SNAP25: variants seen among roughly 807,000 people sequenced by gnomAD.
SNAP25 encodes synaptosome associated protein 25.
A neutral mutation model predicts 28.7 loss-of-function variants in SNAP25; 3 were observed. That is an observed-to-expected ratio of 0.10 (90% CI 0.05 to 0.27). The LOEUF (loss-of-function observed/expected upper bound fraction) is 0.27, where lower values mean the gene tolerates loss of function less well. Among genes scored for constraint, SNAP25 ranks in the 10% least tolerant of loss-of-function variants. SNAP25 has a pLI of 1.00. For synonymous variants in SNAP25, 61 were observed against 88.1 expected, an observed-to-expected ratio of 0.69 and a Z score of 1.72; for missense variants, 117 against 278.7, an observed-to-expected ratio of 0.42 and a Z score of 4.13.
At chr20:10,300,422 T>C (rs547767520) in intron 7 of SNAP25, among the ~76,000 whole-genome samples, 8 of 152,314 alleles carry the variant, frequency 5.3e-5, no homozygotes, top group South Asian at 2.1e-4. Flanking sequence ...TTAACGATAA[T>C]TGTACATCTA....
intron 1 of SNAP25, among the ~76,000 whole-genome samples, chr20:10,255,574 A>G (rs570048192): frequency 1.3e-5 from 2 of 152,202 alleles, no homozygotes; most frequent in South Asian, 2.1e-4. Context: ...TTTGGGCCCA[A>G]GAAAGCTAAT....
At chr20:10,256,507 T>C (rs2063321351) in intron 1 of SNAP25, among the ~76,000 whole-genome samples, 1 of 151,984 alleles carries the variant, frequency 6.6e-6, no homozygotes, top group Non-Finnish European at 1.5e-5. Flanking sequence ...TTTTGGAATA[T>C]GCAAACATTT....
intron 1 of SNAP25, among the ~76,000 whole-genome samples, chr20:10,259,123 A>G (rs1182123504): frequency 1.3e-5 from 2 of 152,234 alleles, no homozygotes; most frequent in Non-Finnish European, 2.9e-5. Context: ...ATACAAAGAT[A>G]TATGTATGGC....
intron 1 of SNAP25, among the ~76,000 whole-genome samples, chr20:10,239,940 C>T (rs1375708466): frequency 6.6e-6 from 1 of 152,192 alleles, no homozygotes; most frequent in Non-Finnish European, 1.5e-5. Context: ...TGCTCTGTAA[C>T]AATATTACTG....
intron 3 of SNAP25, among the ~76,000 whole-genome samples, chr20:10,280,259 A>G (rs1156628755): frequency 6.6e-6 from 1 of 152,196 alleles, no homozygotes; most frequent in African/African-American, 2.4e-5. Context: ...GCTTTTTAAT[A>G]GTCATCATTA....
At chr20:10,221,204 G>A (rs1422425257) in intron 1 of SNAP25, among the ~76,000 whole-genome samples, 1 of 152,168 alleles carries the variant, frequency 6.6e-6, no homozygotes, top group Non-Finnish European at 1.5e-5. Flanking sequence ...TTACGTGCTT[G>A]GACATTAGTA....
chr20:10,276,988 T>C (rs1600736484), intron 2 of SNAP25, among the ~76,000 whole-genome samples: 1 of 152,220 alleles, frequency 6.6e-6, no homozygotes, highest in African/African-American at 2.4e-5. Flanking sequence ...AATAAGTTTG[T>C]CAGTTAAAAG....
intron 1 of SNAP25, among the ~76,000 whole-genome samples, chr20:10,249,532 C>G (rs2063188370): frequency 6.6e-6 from 1 of 152,136 alleles, no homozygotes; most frequent in Non-Finnish European, 1.5e-5. Context: ...AAAAAAATAA[C>G]CCTCCTGTGA....
At chr20:10,232,878 A>G (rs1403988648) in intron 1 of SNAP25, among the ~76,000 whole-genome samples, 1 of 152,200 alleles carries the variant, frequency 6.6e-6, no homozygotes, top group Non-Finnish European at 1.5e-5. Context: ...TGTGGGCTCA[A>G]TGATTTTTAT....
intron 4 of SNAP25, among the ~76,000 whole-genome samples, chr20:10,289,044 C>T (rs998601804): frequency 6.6e-6 from 1 of 152,134 alleles, no homozygotes; most frequent in Non-Finnish European, 1.5e-5. Context: ...CACAGCAGCA[C>T]GGGAGCCTCA....
At chr20:10,250,625 T>G (rs2063209685) in intron 1 of SNAP25, among the ~76,000 whole-genome samples, 1 of 152,212 alleles carries the variant, frequency 6.6e-6, no homozygotes, top group Admixed American at 6.5e-5. Context: ...GACTCTCCTG[T>G]AAGTATTAAC....
chr20:10,231,529 C>T (rs182461552), intron 1 of SNAP25: 3 of 152,210 alleles, frequency 2.0e-5, no homozygotes, highest in African/African-American at 7.2e-5. Context: ...GGTGCAGGTC[C>T]AATCTCCTGG....
At chr20:10,303,527 A>G (rs986213906) in intron 7 of SNAP25, among the ~76,000 whole-genome samples, 6 of 152,208 alleles carry the variant, frequency 3.9e-5, no homozygotes, top group Admixed American at 1.3e-4. Flanking sequence ...ACTCAGCTCA[A>G]TAAAAATTGG....
At chr20:10,288,676 A>C (rs998501587) in intron 4 of SNAP25, among the ~76,000 whole-genome samples, 7 of 152,170 alleles carry the variant, frequency 4.6e-5, no homozygotes, top group African/African-American at 1.7e-4. Flanking sequence ...TCAGTTAAAC[A>C]AGGATAGACT....
At chr20:10,264,433 G>A (rs1456229327) in intron 1 of SNAP25, among the ~76,000 whole-genome samples, 1 of 152,200 alleles carries the variant, frequency 6.6e-6, no homozygotes, top group Non-Finnish European at 1.5e-5. Flanking sequence ...GAGACACTGT[G>A]GGAGAGGGTG....
At chr20:10,230,862 G>A (rs895501141) in intron 1 of SNAP25, among the ~76,000 whole-genome samples, 1 of 152,148 alleles carries the variant, frequency 6.6e-6, no homozygotes, top group Non-Finnish European at 1.5e-5. Flanking sequence ...TGAGTTTGAA[G>A]GATGAGGAAG....
At chr20:10,272,037 C>T (rs976193419) in intron 1 of SNAP25, among the ~76,000 whole-genome samples, 4 of 152,148 alleles carry the variant, frequency 2.6e-5, no homozygotes, top group African/African-American at 9.7e-5. Flanking sequence ...AGGCACTCTG[C>T]TGGTTTCCCT....
chr20:10,304,355 G>A (rs571158068), intron 7 of SNAP25, among the ~76,000 whole-genome samples: 2 of 152,274 alleles, frequency 1.3e-5, no homozygotes, highest in South Asian at 2.1e-4. Context: ...GATTTAGGGT[G>A]TCAACCCCCA....
Position 10,235,130 on chromosome 20 carries a change from G to T in SNAP25, c.-64+16153G>T, listed in dbSNP as rs1158739474. Among the ~76,000 whole-genome samples the T allele has an allele frequency of 2.0e-5, 3 of 152,112 alleles. No homozygotes were observed. The East Asian group carries it at 5.8e-4, about 29-fold the overall frequency. ...CACCAGCAGTCCCAGCCACTCAGGG[G>T]ACTAATGTAGGAGAATTGCTTGAGC... On this transcript the variant is annotated intron_variant, in intron 1 of 7. Coordinates refer to ENST00000254976, the MANE Select transcript of SNAP25 (RefSeq NM_130811.4).
Sources: allele counts gnomAD v4.1 joint callset (sites outside exome capture counted in the v4.1 genomes callset), GRCh38; gene constraint gnomAD v4.1.1; transcripts MANE v1.5; gene names NCBI Gene and HGNC (gene_info 2026-07-23, HGNC 2026-07-21).